IQSEC1: variants seen among roughly 807,000 people sequenced by gnomAD.
The protein encoded by IQSEC1 is IQ motif and Sec7 domain ArfGEF 1.
A neutral mutation model predicts 91.0 loss-of-function variants in IQSEC1; 31 were observed. That is an observed-to-expected ratio of 0.34 (90% CI 0.26 to 0.46). IQSEC1 has a LOEUF of 0.46. Ranked by LOEUF, IQSEC1 falls within the 20% of genes least tolerant of loss-of-function variation. The pLI, the probability that IQSEC1 is intolerant of heterozygous loss-of-function variation, is 1.00. For missense variants in IQSEC1, 1,388 were observed against 1,575.6 expected (o/e 0.88, Z 2.02); for synonymous variants, 699 against 662.6 (o/e 1.05, Z -0.84).
Position 12,899,295 on chromosome 3 carries a change from G to GC in IQSEC1, c.*1687dup. 2 of 1,400,030 alleles carry GC rather than the reference G, an allele frequency of 1.4e-6. 1 individual carries two copies. Among genetic ancestry groups the GC allele is most frequent in the South Asian group, 2.4e-5 (2 of 81,636 alleles). 86.7% of individuals were successfully genotyped at this position (1,400,030 alleles called of 1,614,324 possible). On this transcript the variant is annotated 3_prime_UTR_variant, in exon 14 of 14. Transcript: ENST00000613206. ...CACCACGCTGTCCACTGGGAACGCGGCCCCGCGGCCCGCAGAGTCAGGCGT... is the reference window on the plus strand; with the variant it reads ...CACCACGCTGTCCACTGGGAACGCGGCCCCCGCGGCCCGCAGAGTCAGGCGT...
intron 2 of IQSEC1, among the ~76,000 whole-genome samples, chr3:13,092,608 A>G (rs1705882954): frequency 6.6e-6 from 1 of 152,270 alleles, no homozygotes; most frequent in South Asian, 2.1e-4. Context: ...AGACGGCGAC[A>G]TTTAAGCCAA....
chr3:13,094,271 GCC>G (rs766387328), intron 2 of IQSEC1, among the ~76,000 whole-genome samples: 10 of 152,142 alleles, frequency 6.6e-5, no homozygotes, highest in Non-Finnish European at 1.3e-4. Context: ...ACTGCATCAG[GCC>G]TTGAAGGATG....
chr3:12,983,261 A>C lies in IQSEC1; in HGVS notation c.24-41396T>G, dbSNP rs1169232864. Among the ~76,000 whole-genome samples, 4 of 151,956 alleles carry C rather than the reference A, an allele frequency of 2.6e-5. No homozygotes were observed. Among genetic ancestry groups the C allele is most frequent in the African/African-American group, 9.7e-5 (4 of 41,412 alleles). ...TCACCCAACCTTCCCCAGGTTGGGC[A>C]TGGTGGCAAATTTAGATCAGATTAA... On this transcript the variant is annotated intron_variant, in intron 1 of 13. Coordinates refer to ENST00000613206, the MANE Select transcript of IQSEC1 (RefSeq NM_001134382.3). The surrounding 1 kb of genome is among the most constrained non-coding windows in gnomAD (Gnocchi z 4.3).
At position 12,967,297 on chromosome 3, in the gene IQSEC1, A is replaced by ACT; in HGVS notation, c.24-25433_24-25432insAG. On this transcript the variant is annotated intron_variant, in intron 1 of 13. Coordinates refer to ENST00000613206, the MANE Select transcript of IQSEC1 (RefSeq NM_001134382.3). The surrounding 1 kb of genome is among the most constrained non-coding windows in gnomAD (Gnocchi z 5.9). ...CGCCGGGCGCCCGGTCCCGACGGTC[A>ACT]CCCGCACTCCCGCACAGGCATCCCC... 8.6e-7 allele frequency: 1 copy of ACT among 1,169,294 alleles called. No homozygotes were observed. Among genetic ancestry groups the ACT allele is most frequent in the African/African-American group, 1.6e-5 (1 of 62,442 alleles). 72.4% of individuals were successfully genotyped at this position (1,169,294 alleles called of 1,614,324 possible).
chr3:13,028,926 G>A (rs969440990), intron 1 of IQSEC1, among the ~76,000 whole-genome samples: 26 of 152,112 alleles, frequency 1.7e-4, no homozygotes, highest in African/African-American at 5.8e-4. Context: ...GACCTGCGCT[G>A]GCCAAGGGAT....
At chr3:13,236,856 C>A (rs1203279657) in intron 1 of IQSEC1, among the ~76,000 whole-genome samples, 1 of 152,250 alleles carries the variant, frequency 6.6e-6, no homozygotes, top group Non-Finnish European at 1.5e-5. Context: ...CACCCCCACC[C>A]AGGGTACTTT....
intron 1 of IQSEC1, among the ~76,000 whole-genome samples, chr3:13,168,064 G>A (rs1693532062): frequency 6.6e-6 from 1 of 152,206 alleles, no homozygotes; most frequent in African/African-American, 2.4e-5. Flanking sequence ...ACAGTCAGGT[G>A]GATTTAGGTG....
At chr3:13,010,022 C>T (rs370532894) in intron 1 of IQSEC1, among the ~76,000 whole-genome samples, 3 of 152,206 alleles carry the variant, frequency 2.0e-5, no homozygotes, top group Admixed American at 1.3e-4. Context: ...GTGTGACCTT[C>T]GGCAAGTGAC....
intron 1 of IQSEC1, among the ~76,000 whole-genome samples, chr3:13,016,766 C>A (rs906523944): frequency 6.6e-6 from 1 of 152,232 alleles, no homozygotes; most frequent in African/African-American, 2.4e-5. Context: ...ATATAATTCA[C>A]ACACCATACA....
intron 1 of IQSEC1, among the ~76,000 whole-genome samples, chr3:13,256,732 C>G (rs1246708584): frequency 6.6e-6 from 1 of 152,196 alleles, no homozygotes; most frequent in Non-Finnish European, 1.5e-5. Context: ...GAAAGTGGAC[C>G]ACAGACAGAA....
intron 1 of IQSEC1, among the ~76,000 whole-genome samples, chr3:13,009,645 A>G (rs776032038): frequency 1.4e-5 from 2 of 138,362 alleles, no homozygotes; most frequent in African/African-American, 2.8e-5. Context: ...AGGCATAATA[A>G]TTAGTATGTT....
chr3:13,208,474 G>A (rs777133330), intron 1 of IQSEC1, among the ~76,000 whole-genome samples: 10 of 152,104 alleles, frequency 6.6e-5, no homozygotes, highest in Non-Finnish European at 1.5e-4. Context: ...CTGTTCACCT[G>A]TAACAACCCA....
At chr3:13,121,188 C>A (rs1424964795) in intron 2 of IQSEC1, among the ~76,000 whole-genome samples, 1 of 152,224 alleles carries the variant, frequency 6.6e-6, no homozygotes, top group East Asian at 1.9e-4. Context: ...GCCATGCCTG[C>A]ACCTCTGCCT....
At chr3:13,184,641 AAAG>A (rs1693900914) in intron 1 of IQSEC1, among the ~76,000 whole-genome samples, 2 of 152,224 alleles carry the variant, frequency 1.3e-5, no homozygotes, top group Admixed American at 6.5e-5. Context: ...ACAGATTGGA[AAAG>A]AAGAACCAGA....
chr3:13,186,861 G>A lies in IQSEC1; in HGVS notation c.273-22728C>T, dbSNP rs78464086. Among the ~76,000 whole-genome samples, 1,493 of 152,274 alleles carry A rather than the reference G, an allele frequency of 9.8e-3. 17 individuals are homozygous for A. The highest frequency in any genetic ancestry group is 0.034 in the African/African-American group (1,408 of 41,538). On this transcript the variant is annotated intron_variant, in intron 1 of 15. Transcript: ENST00000648114. Reference sequence around the variant, plus strand: ...CTGGATCCTGCCCAGAAACCCCAGAGGAGGCATCCCACAGCCCAGGAGTAG... The same window carrying A: ...CTGGATCCTGCCCAGAAACCCCAGAAGAGGCATCCCACAGCCCAGGAGTAG...
intron 1 of IQSEC1, among the ~76,000 whole-genome samples, chr3:13,185,582 G>T (rs928245942): frequency 6.6e-6 from 1 of 152,166 alleles, no homozygotes; most frequent in Non-Finnish European, 1.5e-5. Context: ...ACAAACACAG[G>T]CATCATTAAC....
intron 1 of IQSEC1, among the ~76,000 whole-genome samples, chr3:13,030,118 T>A (rs1703788949): frequency 6.6e-6 from 1 of 152,224 alleles, no homozygotes; most frequent in South Asian, 2.1e-4. Context: ...ATCTTTTTTT[T>A]ATACAGTCTA....
At chr3:12,954,174 AC>A (rs1183310534) in intron 1 of IQSEC1, among the ~76,000 whole-genome samples, 1 of 152,134 alleles carries the variant, frequency 6.6e-6, no homozygotes, top group Non-Finnish European at 1.5e-5. Context: ...CATAAAGAGT[AC>A]CGTCAGCCTG....
At chr3:13,171,948 C>T (rs1278681340) in intron 1 of IQSEC1, among the ~76,000 whole-genome samples, 1 of 152,088 alleles carries the variant, frequency 6.6e-6, no homozygotes, top group African/African-American at 2.4e-5. Context: ...TGAGGGGCAA[C>T]CGGCACCTGG....
Sources: allele counts gnomAD v4.1 joint callset (sites outside exome capture counted in the v4.1 genomes callset), GRCh38; gene constraint gnomAD v4.1.1; non-coding constraint Gnocchi (gnomAD v3.1); transcripts MANE v1.5; gene names NCBI Gene and HGNC (gene_info 2026-07-23, HGNC 2026-07-21).